Variants in MDGA2 observed in about 807,000 individuals in gnomAD.
MDGA2 encodes the protein MAM domain containing glycosylphosphatidylinositol anchor 2.
A neutral mutation model predicts 117.8 loss-of-function variants in MDGA2; 40 were observed. The observed-to-expected ratio is 0.34, with a 90% CI of 0.26 to 0.44. MDGA2 has a LOEUF of 0.44. MDGA2 is among the 20% of genes least tolerant of loss of function. MDGA2 has a pLI of 1.00. For missense variants in MDGA2, 1,123 were observed against 1,250.6 expected, an observed-to-expected ratio of 0.90 and a Z score of 1.54; for synonymous variants, 452 against 439.0, an observed-to-expected ratio of 1.03 and a Z score of -0.37.
chr14:47,310,381 T>C (rs1271839724), intron 1 of MDGA2, among the ~76,000 whole-genome samples: 1 of 152,160 alleles, frequency 6.6e-6, no homozygotes, highest in Non-Finnish European at 1.5e-5. Context: ...GTTCCCTGTC[T>C]CTACCTGGCT....
chr14:47,235,498 C>G (rs537904830), intron 2 of MDGA2, among the ~76,000 whole-genome samples: 1 of 152,106 alleles, frequency 6.6e-6, no homozygotes, highest in East Asian at 1.9e-4. Flanking sequence ...TTGCTAAATG[C>G]GTAGATTAAT....
intron 3 of MDGA2, among the ~76,000 whole-genome samples, chr14:47,186,182 T>C (rs925873345): frequency 1.3e-5 from 2 of 151,650 alleles, no homozygotes; most frequent in Admixed American, 1.3e-4. Context: ...ATCTAAATAA[T>C]TGAAACAATT....
At chr14:47,563,777 T>C (rs1298458115) in intron 1 of MDGA2, among the ~76,000 whole-genome samples, 2 of 152,060 alleles carry the variant, frequency 1.3e-5, no homozygotes, top group African/African-American at 2.4e-5. Flanking sequence ...TATCGATATA[T>C]ACAGATTTGT....
At chr14:47,013,921 A>G (rs1887991974) in intron 8 of MDGA2, among the ~76,000 whole-genome samples, 1 of 150,298 alleles carries the variant, frequency 6.7e-6, no homozygotes, top group African/African-American at 2.4e-5. Flanking sequence ...TCAGCCACCC[A>G]AGTACCTGGG....
intron 1 of MDGA2, among the ~76,000 whole-genome samples, chr14:47,413,858 T>G (rs2138491572): frequency 6.6e-6 from 1 of 152,116 alleles, no homozygotes; most frequent in South Asian, 2.1e-4. Context: ...GGCAACAGCA[T>G]GGTTAGAAAT....
chr14:47,218,816 A>T (rs959598230), intron 2 of MDGA2, among the ~76,000 whole-genome samples: 3 of 152,106 alleles, frequency 2.0e-5, no homozygotes, highest in Admixed American at 6.6e-5. Flanking sequence ...TAATTATTTT[A>T]AAAAATAATG....
intron 1 of MDGA2, among the ~76,000 whole-genome samples, chr14:47,356,974 T>C (rs1053960604): frequency 1.3e-5 from 2 of 152,142 alleles, no homozygotes; most frequent in African/African-American, 4.8e-5. Flanking sequence ...TGGGAAGAGC[T>C]CCATTGGAAA....
chr14:47,395,833 A>C (rs190105292), intron 1 of MDGA2, among the ~76,000 whole-genome samples: 2 of 152,290 alleles, frequency 1.3e-5, no homozygotes, highest in East Asian at 3.9e-4. Context: ...ATTTTGTTTA[A>C]GTTTGTTACA....
chr14:47,249,392 A>G (rs1350251912), intron 2 of MDGA2, among the ~76,000 whole-genome samples: 1 of 151,686 alleles, frequency 6.6e-6, no homozygotes, highest in African/African-American at 2.4e-5. Context: ...CACAATCACA[A>G]CTCACTGCAG....
chr14:47,114,435 T>C (rs944685869), intron 5 of MDGA2, among the ~76,000 whole-genome samples: 1 of 152,058 alleles, frequency 6.6e-6, no homozygotes, highest in Non-Finnish European at 1.5e-5. Context: ...TAAATTTATA[T>C]GGAACCCAAA....
intron 2 of MDGA2, among the ~76,000 whole-genome samples, chr14:47,238,527 TACAAA>T (rs926735449): frequency 6.6e-6 from 1 of 151,510 alleles, no homozygotes; most frequent in Non-Finnish European, 1.5e-5. Context: ...CTTACGTGCT[TACAAA>T]ACAAAACAAA....
At position 47,377,945 on chromosome 14, in the gene MDGA2, T is replaced by C. The variant is rs560624617; in HGVS notation, c.281-76395A>G. ...GTCCCTGACCCCTGAGTAGCCTAAC[T>C]GTGAGACAACTCCCAGTAGGGGCCA... On this transcript the variant is annotated intron_variant, in intron 1 of 16. Transcript: ENST00000399232. 2.4e-3 allele frequency among the ~76,000 whole-genome samples: 373 copies of C among 152,324 alleles called. 1 individual carries two copies. The highest frequency in any genetic ancestry group is 8.5e-3 in the African/African-American group (353 of 41,576).
chr14:47,459,317 T>C (rs1245408199), intron 1 of MDGA2, among the ~76,000 whole-genome samples: 2 of 152,138 alleles, frequency 1.3e-5, no homozygotes, highest in African/African-American at 4.8e-5. Flanking sequence ...GTACAGGTCC[T>C]GCATCCCCAA....
At chr14:47,442,535 C>G (rs547636562) in intron 1 of MDGA2, among the ~76,000 whole-genome samples, 2 of 152,050 alleles carry the variant, frequency 1.3e-5, no homozygotes, top group Non-Finnish European at 2.9e-5. Flanking sequence ...AAGGCAGGAG[C>G]AGAGTATTAA....
At chr14:47,415,244 A>G (rs964966935) in intron 1 of MDGA2, among the ~76,000 whole-genome samples, 1 of 152,190 alleles carries the variant, frequency 6.6e-6, no homozygotes, top group Non-Finnish European at 1.5e-5. Context: ...CATGAATGAC[A>G]AACTCAGCAA....
chr14:47,191,435 T>TAG (rs1555362037), intron 3 of MDGA2, among the ~76,000 whole-genome samples: 7 of 149,282 alleles, frequency 4.7e-5, no homozygotes, highest in African/African-American at 1.7e-4. Flanking sequence ...TATATATATA[T>TAG]ATGAAAATTC....
intron 1 of MDGA2, among the ~76,000 whole-genome samples, chr14:47,594,130 G>T (rs955174354): frequency 6.6e-6 from 1 of 152,162 alleles, no homozygotes; most frequent in East Asian, 1.9e-4. Context: ...TCAGCATAGA[G>T]TGAAGCAATA....
At chr14:47,551,452 T>C (rs892015237) in intron 1 of MDGA2, among the ~76,000 whole-genome samples, 15 of 152,150 alleles carry the variant, frequency 9.9e-5, no homozygotes, top group African/African-American at 3.6e-4. Context: ...CTTCACACCA[T>C]ACCTAAATAC....
At chr14:47,485,615 T>C (rs1313285304) in intron 1 of MDGA2, among the ~76,000 whole-genome samples, 1 of 152,106 alleles carries the variant, frequency 6.6e-6, no homozygotes, top group Non-Finnish European at 1.5e-5. Context: ...CAGCAGCCCC[T>C]CCCATCACAG....
Sources: allele counts gnomAD v4.1 joint callset (sites outside exome capture counted in the v4.1 genomes callset), GRCh38; gene constraint gnomAD v4.1.1; transcripts MANE v1.5; gene names NCBI Gene and HGNC (gene_info 2026-07-23, HGNC 2026-07-21).